OR9I1: variants seen among roughly 807,000 people sequenced by gnomAD.
OR9I1 encodes the protein olfactory receptor family 9 subfamily I member 1, also known as olfactory receptor 9I1.
A neutral mutation model predicts 11.2 loss-of-function variants in OR9I1; 7 were observed. The observed-to-expected ratio is 0.62, with a 90% CI of 0.36 to 1.17. The LOEUF is 1.17. OR9I1 is among the 50% of genes most tolerant of loss of function. The probability of loss-of-function intolerance (pLI) is 0.02; values close to 1 mark genes in which losing one functional copy is unlikely to be tolerated. For synonymous variants in OR9I1, 165 were observed against 153.4 expected, an observed-to-expected ratio of 1.08 and a Z score of -0.56; for missense variants, 428 against 377.2, an observed-to-expected ratio of 1.13 and a Z score of -1.12.
chr11:58,123,986 A>G (rs1854063098), intron 2 of OR9I1, among the ~76,000 whole-genome samples: 2 of 152,208 alleles, frequency 1.3e-5, no homozygotes, highest in South Asian at 4.1e-4. Flanking sequence ...AATTTTTTCA[A>G]TAATAAAATG....
In OR9I1 at chr11:58,117,362, T is replaced by C. The variant is rs1042401631; in HGVS notation, c.*1138A>G. On this transcript the variant is annotated 3_prime_UTR_variant, in exon 3 of 3. Transcript: ENST00000641439. ...ACTCCATCCCTTGTCTACTGCTGTA[T>C]ACTCCGAGTACTCTTTGACTCATGA... 4 of 152,208 alleles carry C rather than the reference T, an allele frequency of 2.6e-5. No homozygotes were observed. The highest frequency in any genetic ancestry group is 9.7e-5 in the African/African-American group (4 of 41,442). The allele number at this position is 152,208 out of a possible 1,614,324, so 9.4% of individuals were successfully genotyped here.
intron 2 of OR9I1, among the ~76,000 whole-genome samples, chr11:58,122,283 C>T (rs550995198): frequency 6.6e-6 from 1 of 152,174 alleles, no homozygotes; most frequent in African/African-American, 2.4e-5. Context: ...CAGGGCTATT[C>T]CATCCACCTT....
rs761523803 is a variant in OR9I1 at position 58,118,509 on chromosome 11, C to T, written c.936G>A (p.Leu312=). 1.3e-6 allele frequency: 2 copies of T among 1,594,590 alleles called. No homozygotes were observed. The highest frequency in any genetic ancestry group is 2.2e-5 in the East Asian group (1 of 44,736). The change falls in exon 3 of 3, where the codon CTG becomes CTA. Residue 312 remains leucine, a synonymous_variant. Coordinates refer to ENST00000641439, the MANE Select transcript of OR9I1 (RefSeq NM_001005211.2). The part of the protein sequence containing the change: ...RKVARRLQVS[L]SM ...TTCCTCTTACTTAGATCTACATGCT[C>T]AGGGACACCTGGAGTCTCCTAGCGA...
chr11:58,120,803 C>CATATATATATATATAT (rs61634454), intron 2 of OR9I1, among the ~76,000 whole-genome samples: 1,437 of 132,422 alleles, frequency 0.011, 15 homozygotes, highest in Non-Finnish European at 0.014. Flanking sequence ...ATTTCAATAC[C>CATATATATATATATAT]ATATATATAT....
Position 58,119,018 on chromosome 11 carries a change from T to C in OR9I1, c.427A>G (p.Ser143Gly), listed in dbSNP as rs1853993831. The change falls in exon 3 of 3, where the codon AGC becomes GGC. Residue 143 changes from serine (S) to glycine (G), a missense_variant. Transcript: ENST00000641439. ...TVAMNPRLCW[S>G]LVVGAYVCGV... ...CAGACATAGGCTCCTACCACCAGGC[T>C]CCAGCAGAGCCTGGGATTCATGGCC... 1 of 1,613,794 alleles carries C rather than the reference T, an allele frequency of 6.2e-7. No individual in the cohort carries two copies. Among genetic ancestry groups the C allele is most frequent in the Non-Finnish European group, 8.5e-7 (1 of 1,179,986 alleles).
Position 58,118,467 on chromosome 11 carries a change from G to A in OR9I1, c.*33C>T. 7.2e-7 allele frequency: 1 copy of A among 1,397,298 alleles called. No homozygotes were observed. The highest frequency in any genetic ancestry group is 9.8e-7 in the Non-Finnish European group (1 of 1,015,712). The allele number at this position is 1,397,298 out of a possible 1,614,324, so 86.6% of individuals were successfully genotyped here. On this transcript the variant is annotated 3_prime_UTR_variant, in exon 3 of 3. Coordinates refer to ENST00000641439, the MANE Select transcript of OR9I1 (RefSeq NM_001005211.2). ...TAGGATATATTCATATGGGAAGAAA[G>A]TGGACTAAAACAAGAATTCCTCTTA...
rs1853963174 is a variant in OR9I1 at position 58,117,112 on chromosome 11, G to A, written c.*1388C>T. On this transcript the variant is annotated 3_prime_UTR_variant, in exon 3 of 3. Coordinates refer to ENST00000641439, the MANE Select transcript of OR9I1 (RefSeq NM_001005211.2). ...CCATTAAATTCTAGCAAGGGTCCAG[G>A]GTTGACATCAGAAAGTGAGGGAAAG... The A allele has an allele frequency of 6.6e-6, 1 of 152,140 alleles. No individual in the cohort carries two copies. The highest frequency in any genetic ancestry group is 6.5e-5 in the Admixed American group (1 of 15,272). The allele number at this position is 152,140 out of a possible 1,614,324, so 9.4% of individuals were successfully genotyped here.
intron 2 of OR9I1, among the ~76,000 whole-genome samples, chr11:58,121,695 A>T (rs1310926037): frequency 6.6e-6 from 1 of 152,246 alleles, no homozygotes; most frequent in Non-Finnish European, 1.5e-5. Context: ...AGCCATGAAT[A>T]TAGAAATTAG....
rs940711505 is a variant in OR9I1 at position 58,117,429 on chromosome 11, A to C, written c.*1071T>G. On this transcript the variant is annotated 3_prime_UTR_variant, in exon 3 of 3. Transcript: ENST00000641439. ...TTGCAAAATGGGAATTTTACATTAA[A>C]CTATGTTTTTCCCATTTGCCATAGA... The C allele has an allele frequency of 2.0e-5, 3 of 152,218 alleles. No individual in the cohort carries two copies. The highest frequency in any genetic ancestry group is 4.4e-5 in the Non-Finnish European group (3 of 68,046). The allele number at this position is 152,218 out of a possible 1,614,324, so 9.4% of individuals were successfully genotyped here.
intron 2 of OR9I1, 57 bp downstream of exon 2, chr11:58,124,381 C>G (rs1590603995): frequency 6.6e-6 from 1 of 152,264 alleles, no homozygotes; most frequent in East Asian, 1.9e-4. Flanking sequence ...GAAAAAGACT[C>G]CTCTAATTCA....
Position 58,118,781 on chromosome 11 carries a change from T to A in OR9I1, c.664A>T (p.Ile222Phe). The change falls in exon 3 of 3, where the codon ATC (isoleucine) becomes TTC (phenylalanine). Residue 222 changes from isoleucine (I) to phenylalanine (F), a missense_variant. Ile to Phe is a conservative substitution (Grantham distance 21). Transcript: ENST00000641439. ...SVILISYLLI[I>F]KTILKVKSSG... is the part of the protein sequence containing the mutation. The stretch of plus-strand genomic sequence containing the variant: ...GACTTCACTTTCAAAATGGTCTTGA[T>A]GATGAGCAGATAGGAAATCAGGATG... 2 of 1,614,064 alleles carry A rather than the reference T, an allele frequency of 1.2e-6. No individual in the cohort carries two copies. The highest frequency in any genetic ancestry group is 2.7e-5 in the African/African-American group (2 of 75,052).
chr11:58,121,287 G>A (rs570412116), intron 2 of OR9I1, among the ~76,000 whole-genome samples: 20 of 152,180 alleles, frequency 1.3e-4, no homozygotes, highest in East Asian at 5.8e-4. Context: ...GAGTCACCTC[G>A]TAATACTGCA....
At position 58,119,233 on chromosome 11, in the gene OR9I1, G is replaced by A. The variant is rs755898970; in HGVS notation, c.212C>T (p.Ala71Val). The A allele has an allele frequency of 1.4e-5, 22 of 1,613,564 alleles. No homozygotes were observed. Among genetic ancestry groups the A allele is most frequent in the Non-Finnish European group, 1.9e-5 (22 of 1,179,672 alleles). ...FFLSHLSLLD[A>V]CYTSVITPQI... ...AGGGGTGATGACTGAGGTGTAACAG[G>A]CATCCAGCAGGGAGAGGTGGCTCAG... is the stretch of plus-strand genomic sequence containing the variant. The change falls in exon 3 of 3, where the codon GCC becomes GTC. Residue 71 changes from alanine to valine, a missense_variant. Transcript: ENST00000641439.
In OR9I1 at chr11:58,118,839, AAAG is replaced by A; in HGVS notation, c.603_605del (p.Phe202del). 1.9e-6 allele frequency: 3 copies of A among 1,614,070 alleles called. No homozygotes were observed. The highest frequency in any genetic ancestry group is 2.5e-6 in the Non-Finnish European group (3 of 1,180,006). On this transcript the variant is annotated inframe_deletion, in exon 3 of 3. Transcript: ENST00000641439. ...CATTGGCCAAAATCACAAAATTGCC[AAAG>A]AAGATGATGACAATCTCGATGTTTG...
In OR9I1 at chr11:58,116,788, A is replaced by T. The variant is rs1853959335; in HGVS notation, c.*1712T>A. The T allele has an allele frequency of 6.6e-6, 1 of 152,202 alleles. No homozygotes were observed. The highest frequency in any genetic ancestry group is 1.5e-5 in the Non-Finnish European group (1 of 68,042). The allele number at this position is 152,202 out of a possible 1,614,324, so 9.4% of individuals were successfully genotyped here. A position where few individuals can be genotyped will look rare whatever the true frequency, so the allele number is the denominator to read the frequency against. On this transcript the variant is annotated 3_prime_UTR_variant, in exon 3 of 3. Coordinates refer to ENST00000641439, the MANE Select transcript of OR9I1 (RefSeq NM_001005211.2). ...TCAGTCAACTACAAGATATTTGGTG[A>T]ATTATTTTAATAAAATTGTTGTTTC...
At chr11:58,123,476 TG>T (rs1854056321) in intron 2 of OR9I1, among the ~76,000 whole-genome samples, 2 of 152,302 alleles carry the variant, frequency 1.3e-5, no homozygotes, top group Non-Finnish European at 2.9e-5. Flanking sequence ...GGCAGATTGT[TG>T]GGGTGCAGAT....
At position 58,118,798 on chromosome 11, in the gene OR9I1, A is replaced by C; in HGVS notation, c.647T>G (p.Ile216Ser). ...GGTCTTGATGATGAGCAGATAGGAA[A>C]TCAGGATGACGGAGGCATTGGCCAA... ...VILANASVIL[I>S]SYLLIIKTIL... Residue 216 changes from isoleucine (I) to serine (S), a missense_variant, in exon 3 of 3, where the codon ATT becomes AGT. Physicochemically the swap from Ile to Ser is moderately radical, Grantham distance 142. Transcript: ENST00000641439. The C allele has an allele frequency of 1.2e-6, 2 of 1,614,114 alleles. No individual in the cohort carries two copies. The highest frequency in any genetic ancestry group is 2.2e-5 in the South Asian group (2 of 91,082).
At chr11:58,124,371 G>C (rs926222780) in intron 2 of OR9I1, 67 bp downstream of exon 2, 2 of 152,152 alleles carry the variant, frequency 1.3e-5, no homozygotes, top group African/African-American at 4.8e-5. Context: ...AGGGGATAGG[G>C]AAAAAGACTC....
intron 2 of OR9I1, among the ~76,000 whole-genome samples, chr11:58,123,008 A>G (rs549591326): frequency 6.7e-4 from 102 of 152,034 alleles, no homozygotes; most frequent in African/African-American, 2.2e-3. Flanking sequence ...TATGCTTATA[A>G]CATATTTTAC....
Sources: gnomAD v4.1 joint callset for allele counts (sites outside exome capture counted in the v4.1 genomes callset) on GRCh38, gnomAD v4.1.1 for gene constraint, MANE v1.5 for transcripts, NCBI Gene and HGNC (gene_info 2026-07-23, HGNC 2026-07-21) for gene names.